The following UGP2 variants were observed in gnomAD, a reference collection of about 807,000 sequenced individuals.
The protein encoded by UGP2 is UTP--glucose-1-phosphate uridylyltransferase.
In UGP2, 40 loss-of-function variants were observed where a neutral mutation model predicts 49.0. That is an observed-to-expected ratio of 0.82 (90% CI 0.63 to 1.06). UGP2 has a LOEUF of 1.06. Ranked by LOEUF, UGP2 falls within the 50% of genes least tolerant of loss-of-function variation. UGP2 has a pLI of 0.00. For synonymous variants in UGP2, 225 were observed against 213.0 expected (o/e 1.06, Z -0.49); for missense variants, 460 against 603.5 (o/e 0.76, Z 2.49).
intron 8 of UGP2, chr2:63,889,817 TA>T (rs35619911): frequency 0.012 from 2,767 of 234,414 alleles, no homozygotes; most frequent in South Asian, 0.024. Flanking sequence ...TGATTATCTT[TA>T]AAAAAAAAAA....
chr2:63,879,043 G>C (rs1443351358), intron 3 of UGP2, among the ~76,000 whole-genome samples: 1 of 149,618 alleles, frequency 6.7e-6, no homozygotes, highest in Admixed American at 6.6e-5. Context: ...ACTTTTTCTT[G>C]ATGACTTATG....
intron 3 of UGP2, among the ~76,000 whole-genome samples, chr2:63,858,230 C>G (rs1669585874): frequency 6.6e-6 from 1 of 152,202 alleles, no homozygotes; most frequent in African/African-American, 2.4e-5. Context: ...CCCATAAGAG[C>G]TTCGTTTACT....
In UGP2 at chr2:63,884,097, C is replaced by G; in HGVS notation, c.575+4C>G. Reference sequence around the variant, plus strand: ...TCTACACTTTCAATCAAAGCAGGTACAATGAGTAAAAAATTAACTCTGGGT... The same window carrying G: ...TCTACACTTTCAATCAAAGCAGGTAGAATGAGTAAAAAATTAACTCTGGGT... On this transcript the variant is annotated splice_donor_region_variant and intron_variant, in intron 5 of 9. Transcript: ENST00000337130. 6.2e-7 allele frequency: 1 copy of G among 1,611,434 alleles called. No homozygotes were observed. The highest frequency in any genetic ancestry group is 8.5e-7 in the Non-Finnish European group (1 of 1,179,474).
At chr2:63,877,532 C>T (rs1254800010) in intron 3 of UGP2, among the ~76,000 whole-genome samples, 4 of 152,212 alleles carry the variant, frequency 2.6e-5, no homozygotes, top group African/African-American at 9.6e-5. Flanking sequence ...CTTGTTCCTT[C>T]ACACAGTCAC....
At chr2:63,871,042 T>C (rs1670514819) in intron 3 of UGP2, among the ~76,000 whole-genome samples, 2 of 152,262 alleles carry the variant, frequency 1.3e-5, no homozygotes, top group African/African-American at 4.8e-5. Context: ...AATTTTAAAT[T>C]GTAAAATACA....
intron 1 of UGP2, among the ~76,000 whole-genome samples, chr2:63,849,865 T>G (rs1027941480): frequency 1.3e-5 from 2 of 152,186 alleles, no homozygotes; most frequent in Non-Finnish European, 2.9e-5. Flanking sequence ...TCACTGACCT[T>G]AAAGCCGTTC....
intron 3 of UGP2, among the ~76,000 whole-genome samples, chr2:63,873,773 C>T (rs1670725014): frequency 6.6e-6 from 1 of 151,970 alleles, no homozygotes; most frequent in South Asian, 2.1e-4. Flanking sequence ...CCTTGCAAAC[C>T]CTATCTTCCG....
rs889691952 is a variant in UGP2 at position 63,890,754 on chromosome 2, CA to C, written c.1420-362del. ...CAGTAAACTGTTATAAAAACAACAA[CA>C]AAAGCCCTATATGTAAATGTAAACC... On this transcript the variant is annotated intron_variant, in intron 9 of 9. Coordinates refer to ENST00000337130, the MANE Select transcript of UGP2 (RefSeq NM_006759.4). Among the ~76,000 whole-genome samples the C allele has an allele frequency of 1.5e-3, 229 of 152,190 alleles. 2 individuals are homozygous for C. The highest frequency in any genetic ancestry group is 5.4e-3 in the African/African-American group (223 of 41,514).
In UGP2 at chr2:63,890,200, T is replaced by G; in HGVS notation, c.1419+15T>G. 2 of 1,563,816 alleles carry G rather than the reference T, an allele frequency of 1.3e-6. No homozygotes were observed. The highest frequency in any genetic ancestry group is 1.7e-6 in the Non-Finnish European group (2 of 1,144,516). ...TTTCATTAAAGGTATGTTGTTACAATGAAAATTATATTTCTTACAGCTTAC... is the reference window on the plus strand; with the variant it reads ...TTTCATTAAAGGTATGTTGTTACAAGGAAAATTATATTTCTTACAGCTTAC... On this transcript the variant is annotated intron_variant, in intron 9 of 9. Transcript: ENST00000337130.
At chr2:63,869,508 A>C (rs781664386) in intron 3 of UGP2, among the ~76,000 whole-genome samples, 1 of 152,188 alleles carries the variant, frequency 6.6e-6, no homozygotes, top group African/African-American at 2.4e-5. Flanking sequence ...TGGATTTTGA[A>C]TTGCTATGAT....
intron 3 of UGP2, among the ~76,000 whole-genome samples, chr2:63,866,652 A>G (rs904917632): frequency 6.6e-6 from 1 of 152,218 alleles, no homozygotes; most frequent in African/African-American, 2.4e-5. Flanking sequence ...ATGAGAGAAC[A>G]GAACGTGCTC....
chr2:63,856,016 C>T (rs1669391696), intron 1 of UGP2: 1 of 259,320 alleles, frequency 3.9e-6, no homozygotes, highest in Non-Finnish European at 7.4e-6. Flanking sequence ...CAGAAGATGG[C>T]AGGCAGCCCT....
At chr2:63,882,691 G>T in intron 4 of UGP2, 40 bp downstream of exon 4, 2 of 1,440,854 alleles carry the variant, frequency 1.4e-6, no homozygotes, top group African/African-American at 1.4e-5. Context: ...TACTAAAATA[G>T]TTTTTAGTTT....
chr2:63,856,432 A>T lies in UGP2; in HGVS notation c.146A>T (p.Glu49Val), dbSNP rs552871425. The T allele has an allele frequency of 1.1e-5, 18 of 1,610,454 alleles. No homozygotes were observed. In the South Asian group the frequency reaches 2.0e-4, roughly 18 times the overall value. The change falls in exon 2 of 10, where the codon GAG becomes GTG. Residue 49 changes from glutamate to valine, a missense_variant and splice_region_variant. This residue lies in a region of UGP2 where 143 missense variants were observed against 130.4 expected (regional missense o/e 1.10). Transcript: ENST00000337130. Reference sequence around the variant, plus strand: ...ACCACAGCATCATCACATGAATTTGAGGTAAGGAGGTTTCTACAGTGTTCC... The same window carrying T: ...ACCACAGCATCATCACATGAATTTGTGGTAAGGAGGTTTCTACAGTGTTCC... ...ILTTASSHEFEHTKKDLDGFR... is the reference protein window; with the variant it reads ...ILTTASSHEFVHTKKDLDGFR...
intron 3 of UGP2, among the ~76,000 whole-genome samples, chr2:63,867,406 A>G (rs1048066761): frequency 6.6e-6 from 1 of 152,224 alleles, no homozygotes; most frequent in Non-Finnish European, 1.5e-5. Context: ...TAGAAATAAT[A>G]AAAGAACCTA....
Position 63,842,184 on chromosome 2 carries a change from A to C in UGP2, c.-2A>C. 6.3e-7 allele frequency: 1 copy of C among 1,593,654 alleles called. No homozygotes were observed. The highest frequency in any genetic ancestry group is 8.5e-7 in the Non-Finnish European group (1 of 1,174,636). On this transcript the variant is annotated 5_prime_UTR_variant, in exon 1 of 10. Transcript: ENST00000337130. The stretch of plus-strand genomic sequence containing the variant: ...GCCGGAGTATTTTACTAAGCCCCTA[A>C]AATGTCGAGATTTGTACAAGGTAAG...
rs146746356 is a variant in UGP2 at position 63,842,200 on chromosome 2, A to G, written c.15A>G (p.Val5=). 1,538 of 1,603,444 alleles carry G rather than the reference A, an allele frequency of 9.6e-4. 14 individuals carry two copies. Among genetic ancestry groups the G allele is most frequent in the South Asian group, 9.2e-3 (820 of 88,990 alleles). The change falls in exon 1 of 10, where the codon GTA becomes GTG. Residue 5 remains valine, a synonymous_variant. Coordinates refer to ENST00000337130, the MANE Select transcript of UGP2 (RefSeq NM_006759.4). ...AAGCCCCTAAAATGTCGAGATTTGT[A>G]CAAGGTAAGAAATGCTGCTGCTTAT... MSRF[V]QDLSKAMSQD...
chr2:63,879,390 C>T (rs1265969688), intron 3 of UGP2, among the ~76,000 whole-genome samples: 1 of 152,092 alleles, frequency 6.6e-6, no homozygotes, highest in Non-Finnish European at 1.5e-5. Flanking sequence ...AGCATTTATA[C>T]TTTGATAAAA....
rs550926920 is a variant in UGP2 at position 63,842,087 on chromosome 2, A to T, written c.-99A>T. ...TTAAATATAGGAGGAGAAAGAATAC[A>T]TCGGTTGTTAAAGCAGGAGAGGAAG... is the stretch of plus-strand genomic sequence containing the variant. On this transcript the variant is annotated 5_prime_UTR_variant, in exon 1 of 10. Coordinates refer to ENST00000337130, the MANE Select transcript of UGP2 (RefSeq NM_006759.4). The T allele has an allele frequency of 4.4e-5, 62 of 1,420,546 alleles. No homozygotes were observed. The highest frequency in any genetic ancestry group is 5.7e-5 in the African/African-American group (4 of 69,914). The allele number at this position is 1,420,546 out of a possible 1,614,324, so 88.0% of individuals were successfully genotyped here.
Sources: allele counts gnomAD v4.1 joint callset (sites outside exome capture counted in the v4.1 genomes callset), GRCh38; gene constraint gnomAD v4.1.1; regional missense constraint gnomAD v4.1.1; transcripts MANE v1.5; gene names NCBI Gene and HGNC (gene_info 2026-07-23, HGNC 2026-07-21).